TOMM70: variants seen among roughly 807,000 people sequenced by gnomAD.
The protein encoded by TOMM70 is translocase of outer mitochondrial membrane 70, also known as mitochondrial import receptor subunit TOM70.
Under a neutral mutation model 73.6 loss-of-function variants are expected in TOMM70, and 13 were observed. The observed-to-expected ratio is 0.18, with a 90% confidence interval of 0.11 to 0.28. The LOEUF is 0.28. Ranked by LOEUF, TOMM70 falls within the 10% of genes least tolerant of loss-of-function variation. The probability of loss-of-function intolerance (pLI) is 1.00; values close to 1 mark genes in which losing one functional copy is unlikely to be tolerated. For missense variants in TOMM70, 609 were observed against 747.5 expected (o/e 0.81, Z 2.16); for synonymous variants, 257 against 271.2 (o/e 0.95, Z 0.51).
chr3:100,364,548 A>G lies in TOMM70; in HGVS notation c.*1016T>C, dbSNP rs1706426716. The G allele has an allele frequency of 6.6e-6, 1 of 151,992 alleles. No individual in the cohort carries two copies. Among genetic ancestry groups the G allele is most frequent in the East Asian group, 1.9e-4 (1 of 5,194 alleles). The allele number at this position is 151,992 out of a possible 1,614,324, so 9.4% of individuals were successfully genotyped here. On this transcript the variant is annotated 3_prime_UTR_variant, in exon 12 of 12. Transcript: ENST00000284320. ...AAGCAATCTGCACTTTGATTTTAAA[A>G]AAGTTCTAAAATTTTTTAAAGGATG... is the stretch of plus-strand genomic sequence containing the variant.
intron 5 of TOMM70, among the ~76,000 whole-genome samples, chr3:100,379,185 G>A (rs1250030374): frequency 7.0e-6 from 1 of 143,652 alleles, no homozygotes; most frequent in Non-Finnish European, 1.6e-5. Context: ...GGAGATGCTT[G>A]TAGAAGTAAT....
intron 4 of TOMM70, among the ~76,000 whole-genome samples, chr3:100,383,422 C>A (rs148483795): frequency 2.8e-4 from 42 of 151,666 alleles, no homozygotes; most frequent in African/African-American, 1.0e-3. Context: ...ACTTGGGAGA[C>A]TGAGGAACGA....
intron 1 of TOMM70, among the ~76,000 whole-genome samples, chr3:100,387,603 C>CACACAG (rs1706707315): frequency 1.7e-5 from 2 of 117,572 alleles, no homozygotes; most frequent in South Asian, 2.6e-4. Flanking sequence ...GACACAGACA[C>CACACAG]ACACACACAC....
At chr3:100,376,108 ATGG>A (rs1706561062) in intron 6 of TOMM70, among the ~76,000 whole-genome samples, 1 of 152,102 alleles carries the variant, frequency 6.6e-6, no homozygotes, top group Non-Finnish European at 1.5e-5. Context: ...GTGGCATCTC[ATGG>A]TGGTTTTGGT....
intron 9 of TOMM70, among the ~76,000 whole-genome samples, chr3:100,371,265 T>A (rs1385423322): frequency 5.5e-5 from 8 of 146,226 alleles, no homozygotes; most frequent in African/African-American, 2.0e-4. Context: ...TGGTATTTTT[T>A]TTTTTTTTTT....
chr3:100,372,335 T>G, intron 9 of TOMM70: 2 of 316,570 alleles, frequency 6.3e-6, no homozygotes, highest in Non-Finnish European at 1.1e-5. Flanking sequence ...AGGTAATTAC[T>G]TTTTGCAAAA....
In TOMM70 at chr3:100,373,783, G is replaced by A. The variant is rs1246425459; in HGVS notation, c.1228-138C>T. 7 of 518,220 alleles carry A rather than the reference G, an allele frequency of 1.4e-5. No individual in the cohort carries two copies. In the East Asian group the frequency reaches 2.2e-4, roughly 16 times the overall value. The allele number at this position is 518,220 out of a possible 1,614,324, so 32.1% of individuals were successfully genotyped here. A position where few individuals can be genotyped will look rare whatever the true frequency, so the allele number is the denominator to read the frequency against. On this transcript the variant is annotated intron_variant, in intron 7 of 11. Coordinates refer to ENST00000284320, the MANE Select transcript of TOMM70 (RefSeq NM_014820.5). ...AATATATAATTACTTTCTAGAAACA[G>A]TGATTTAAAAATCTTGAAATTTAAA...
chr3:100,371,229 G>GT (rs1435649952), intron 9 of TOMM70, among the ~76,000 whole-genome samples: 1 of 149,704 alleles, frequency 6.7e-6, no homozygotes, highest in Non-Finnish European at 1.5e-5. Context: ...CTTAAGAATG[G>GT]TTTAAGGAGA....
chr3:100,381,681 A>G lies in TOMM70; in HGVS notation c.818T>C (p.Met273Thr), dbSNP rs2148891777. The G allele has an allele frequency of 6.2e-7, 1 of 1,613,202 alleles. No homozygotes were observed. The highest frequency in any genetic ancestry group is 1.1e-5 in the South Asian group (1 of 90,932). Residue 273 changes from methionine to threonine, a missense_variant, in exon 5 of 12, where the codon ATG becomes ACG. This residue lies in a region of TOMM70 where 432 missense variants were observed against 584.1 expected (regional missense o/e 0.74). Transcript: ENST00000284320. ...SFTDDIISQP[M>T]LKGEKSDEDK... ...TTCATCAGATTTCTCTCCTTTAAGC[A>G]TGGGCTGGGAAATGATATCATCCGT...
At chr3:100,393,100 C>T (rs1043767885) in intron 1 of TOMM70, among the ~76,000 whole-genome samples, 10 of 151,394 alleles carry the variant, frequency 6.6e-5, no homozygotes, top group Non-Finnish European at 1.0e-4. Context: ...CGCTTGAACC[C>T]GGGCAGCAGA....
Position 100,399,731 on chromosome 3 carries a change from C to T in TOMM70, c.324+895G>A, listed in dbSNP as rs1442890172. Among the ~76,000 whole-genome samples the T allele has an allele frequency of 2.1e-5, 3 of 143,656 alleles. No individual in the cohort carries two copies. In the East Asian group the frequency reaches 6.2e-4, roughly 30 times the overall value. The allele number at this position is 143,656 out of a possible 152,430, so 94.2% of individuals were successfully genotyped here. ...CAATCAAAAAGTTTAAGAAGTCACT[C>T]CCATTTTTTTTTTTTTTTTTTTTGT... On this transcript the variant is annotated intron_variant, in intron 1 of 11. Coordinates refer to ENST00000284320, the MANE Select transcript of TOMM70 (RefSeq NM_014820.5).
At chr3:100,366,732 C>CA (rs748876505) in intron 11 of TOMM70, among the ~76,000 whole-genome samples, 1 of 152,146 alleles carries the variant, frequency 6.6e-6, no homozygotes, top group African/African-American at 2.4e-5. Flanking sequence ...TTAACGTGAA[C>CA]AAAATTCCAT....
chr3:100,400,911 T>C lies in TOMM70; in HGVS notation c.39A>G (p.Ala13=). The C allele has an allele frequency of 6.6e-7, 1 of 1,520,834 alleles. No individual in the cohort carries two copies. The allele number at this position is 1,520,834 out of a possible 1,614,324, so 94.2% of individuals were successfully genotyped here. The change falls in exon 1 of 12, where the codon GCA becomes GCG. Residue 13 remains alanine (A), a synonymous_variant. Coordinates refer to ENST00000284320, the MANE Select transcript of TOMM70 (RefSeq NM_014820.5). ...CACTCCCGGAGCTCGGTACAGCGGC[T>C]GCGACCACCGCTGCCTCCACAGGTT... ...ASKPVEAAVV[A]AAVPSSGSGV...
intron 1 of TOMM70, among the ~76,000 whole-genome samples, chr3:100,391,335 A>T (rs1706759197): frequency 6.6e-6 from 1 of 152,032 alleles, no homozygotes. Context: ...GCTACTCTAG[A>T]AGAAGGCTTC....
At chr3:100,367,289 T>C (rs1706456065) in intron 11 of TOMM70, among the ~76,000 whole-genome samples, 1 of 152,038 alleles carries the variant, frequency 6.6e-6, no homozygotes, top group Non-Finnish European at 1.5e-5. Context: ...ACAATTTTTT[T>C]TTTACCAGCC....
At position 100,365,587 on chromosome 3, in the gene TOMM70, C is replaced by G. The variant is rs759834424; in HGVS notation, c.1804G>C (p.Gly602Arg). 4 of 1,614,096 alleles carry G rather than the reference C, an allele frequency of 2.5e-6. No homozygotes were observed. Among genetic ancestry groups the G allele is most frequent in the Non-Finnish European group, 3.4e-6 (4 of 1,180,004 alleles). ...TTTTATAATGTTGGTGGTTTTAATC[C>G]GTATTTCTTTGCAACTTCTGTCTGG... is the stretch of plus-strand genomic sequence containing the variant. ...HAQTEVAKKY[G>R]LKPPTL is the part of the protein sequence containing the mutation. The change falls in exon 12 of 12, where the codon GGA (glycine) becomes CGA (arginine). Residue 602 changes from glycine (G) to arginine (R), a missense_variant. This residue lies in a region of TOMM70 where 432 missense variants were observed against 584.1 expected (regional missense o/e 0.74). Coordinates refer to ENST00000284320, the MANE Select transcript of TOMM70 (RefSeq NM_014820.5).
chr3:100,397,937 A>G (rs944501849), intron 1 of TOMM70, among the ~76,000 whole-genome samples: 2 of 148,004 alleles, frequency 1.4e-5, no homozygotes, highest in African/African-American at 5.1e-5. Context: ...AATATCATGA[A>G]ATTAAAAAAT....
Position 100,395,542 on chromosome 3 carries a change from C to CAAAA in TOMM70, c.324+5080_324+5083dup, listed in dbSNP as rs59048767. ...TGGGTGACAGAGCGCGACTCCAACTCAAAAAAAAAAAAAAAAAGAGAAAGG... is the reference window on the plus strand; with the variant it reads ...TGGGTGACAGAGCGCGACTCCAACTCAAAAAAAAAAAAAAAAAAAAAGAGAAAGG... On this transcript the variant is annotated intron_variant, in intron 1 of 11. Coordinates refer to ENST00000284320, the MANE Select transcript of TOMM70 (RefSeq NM_014820.5). Among the ~76,000 whole-genome samples the CAAAA allele has an allele frequency of 4.2e-3, 337 of 81,034 alleles. 3 individuals carry two copies. Among genetic ancestry groups the CAAAA allele is most frequent in the East Asian group, 0.021 (85 of 3,966 alleles). The allele number at this position is 81,034 out of a possible 152,430, so 53.2% of individuals were successfully genotyped here.
At chr3:100,388,325 C>T (rs1419058227) in intron 1 of TOMM70, among the ~76,000 whole-genome samples, 2 of 152,100 alleles carry the variant, frequency 1.3e-5, no homozygotes, top group Non-Finnish European at 2.9e-5. Flanking sequence ...AGAAAACTTG[C>T]ATTTGAGACA....
Sources: gnomAD v4.1 joint callset for allele counts (sites outside exome capture counted in the v4.1 genomes callset) on GRCh38, gnomAD v4.1.1 for gene constraint, gnomAD v4.1.1 regional missense constraint, MANE v1.5 for transcripts, NCBI Gene and HGNC (gene_info 2026-07-23, HGNC 2026-07-21) for gene names.